Variants in MKLN1 observed in about 807,000 individuals in gnomAD.
MKLN1 encodes the protein muskelin 1.
MKLN1 carries 18 observed loss-of-function variants against 99.0 expected under a neutral mutation model. The observed-to-expected ratio is 0.18, with a 90% CI of 0.13 to 0.27. The LOEUF is 0.27. Ranked by LOEUF, MKLN1 falls within the 10% of genes least tolerant of loss-of-function variation. MKLN1 has a pLI of 1.00. For missense variants in MKLN1, 621 were observed against 875.9 expected, an observed-to-expected ratio of 0.71 and a Z score of 3.67; for synonymous variants, 288 against 293.2, an observed-to-expected ratio of 0.98 and a Z score of 0.18.
intron 3 of MKLN1, among the ~76,000 whole-genome samples, chr7:131,319,544 T>A (rs960061651): frequency 6.6e-6 from 1 of 152,220 alleles, no homozygotes; most frequent in African/African-American, 2.4e-5. Context: ...AAGACAAGGA[T>A]GCCCTCTCTC....
intron 2 of MKLN1, among the ~76,000 whole-genome samples, chr7:131,146,885 A>G (rs574809760): frequency 6.6e-6 from 1 of 152,210 alleles, no homozygotes; most frequent in Admixed American, 6.5e-5. Context: ...ATGTGCTGTC[A>G]GTGGGGGAGA....
chr7:131,415,934 A>C (rs932237716), intron 8 of MKLN1, among the ~76,000 whole-genome samples: 1 of 152,112 alleles, frequency 6.6e-6, no homozygotes, highest in Non-Finnish European at 1.5e-5. Flanking sequence ...ACTATAAGGA[A>C]AATATTATTA....
chr7:131,457,957 A>G (rs1360066986), intron 12 of MKLN1, among the ~76,000 whole-genome samples: 1 of 152,192 alleles, frequency 6.6e-6, no homozygotes, highest in African/African-American at 2.4e-5. Context: ...AATAATGGAG[A>G]TACATTTCTT....
chr7:131,358,444 T>A (rs1273594503), intron 1 of MKLN1, among the ~76,000 whole-genome samples: 2 of 152,200 alleles, frequency 1.3e-5, no homozygotes, highest in Admixed American at 1.3e-4. Context: ...TAATATTTTT[T>A]GAGATTATTT....
intron 3 of MKLN1, among the ~76,000 whole-genome samples, chr7:131,212,040 A>T (rs766678172): frequency 6.6e-6 from 1 of 152,162 alleles, no homozygotes; most frequent in Non-Finnish European, 1.5e-5. Flanking sequence ...CATTATTCCC[A>T]AGCAGGCCTC....
At position 131,244,919 on chromosome 7, in the gene MKLN1, G is replaced by A. The variant is rs1205373522; in HGVS notation, c.-179+41945G>A. Among the ~76,000 whole-genome samples the A allele has an allele frequency of 3.9e-5, 6 of 152,168 alleles. No homozygotes were observed. The South Asian group carries it at 1.0e-3, about 26-fold the overall frequency. ...AGGGAAAAGAGCGACACCCCTACAC[G>A]GCGGCACCCTTTCCTCCAGCCTTTG... On this transcript the variant is annotated intron_variant, in intron 3 of 7. Transcript: ENST00000416992.
At chr7:131,480,674 T>A (rs1391989579) in intron 17 of MKLN1, among the ~76,000 whole-genome samples, 1 of 152,208 alleles carries the variant, frequency 6.6e-6, no homozygotes, top group Non-Finnish European at 1.5e-5. Flanking sequence ...AAATCCCCAG[T>A]CTGTGAGCTG....
At chr7:131,163,968 AG>A (rs1313143554) in intron 2 of MKLN1, among the ~76,000 whole-genome samples, 5 of 152,180 alleles carry the variant, frequency 3.3e-5, no homozygotes. Context: ...CAAGTTGGGA[AG>A]GCAGGGGGAG....
intron 3 of MKLN1, among the ~76,000 whole-genome samples, chr7:131,282,998 A>T (rs1310069686): frequency 6.6e-6 from 1 of 152,216 alleles, no homozygotes; most frequent in East Asian, 1.9e-4. Context: ...CCAGCAGGTC[A>T]CACGGGCACC....
chr7:131,331,780 G>A (rs1799082891), intron 1 of MKLN1, among the ~76,000 whole-genome samples: 1 of 152,058 alleles, frequency 6.6e-6, no homozygotes, highest in Non-Finnish European at 1.5e-5. Flanking sequence ...AGCAAGAGAG[G>A]GAAAAATAGA....
chr7:131,147,992 G>A (rs919528331), intron 2 of MKLN1, among the ~76,000 whole-genome samples: 4 of 152,158 alleles, frequency 2.6e-5, no homozygotes, highest in Non-Finnish European at 5.9e-5. Context: ...TATGGCATAA[G>A]CTTTAGATTT....
intron 3 of MKLN1, among the ~76,000 whole-genome samples, chr7:131,294,455 G>T (rs554293083): frequency 1.2e-4 from 19 of 152,294 alleles, no homozygotes; most frequent in South Asian, 4.1e-4. Flanking sequence ...ATCTTTGTGG[G>T]TCTGAAAATT....
chr7:131,231,052 C>T (rs541270603), intron 3 of MKLN1, among the ~76,000 whole-genome samples: 15 of 125,754 alleles, frequency 1.2e-4, no homozygotes, highest in African/African-American at 3.8e-4. Context: ...CCTGGGAGGC[C>T]GAGGTTGCAG....
At chr7:131,244,512 T>C (rs1020596069) in intron 3 of MKLN1, among the ~76,000 whole-genome samples, 1 of 152,098 alleles carries the variant, frequency 6.6e-6, no homozygotes, top group Non-Finnish European at 1.5e-5. Context: ...AGAATGCCTC[T>C]CCATCCTCTG....
At chr7:131,303,883 G>A (rs1798414007) in intron 3 of MKLN1, among the ~76,000 whole-genome samples, 1 of 152,148 alleles carries the variant, frequency 6.6e-6, no homozygotes, top group Non-Finnish European at 1.5e-5. Context: ...ACAGCCCCAT[G>A]CCTTTAATTC....
At chr7:131,459,112 T>C (rs984264342) in intron 12 of MKLN1, among the ~76,000 whole-genome samples, 1 of 152,112 alleles carries the variant, frequency 6.6e-6, no homozygotes. Flanking sequence ...AGAAATATGA[T>C]TGGGTAAAAG....
chr7:131,410,189 G>A (rs1193670119), intron 6 of MKLN1, among the ~76,000 whole-genome samples: 1 of 152,086 alleles, frequency 6.6e-6, no homozygotes, highest in Non-Finnish European at 1.5e-5. Context: ...AGTAACTAGT[G>A]TAACAACTTA....
intron 3 of MKLN1, among the ~76,000 whole-genome samples, chr7:131,244,905 C>T (rs528841639): frequency 9.8e-4 from 149 of 152,234 alleles, no homozygotes; most frequent in Non-Finnish European, 1.5e-3. Context: ...GGGAAAAGAG[C>T]GACACCCCTA....
At chr7:131,323,654 ACT>A (rs1480548723), upstream of MKLN1, 1 of 152,064 alleles carries the variant, frequency 6.6e-6, no homozygotes, top group African/African-American at 2.4e-5. Context: ...GGTTTTGAAC[ACT>A]CTTATTATTG....
Sources: gnomAD v4.1 joint callset for allele counts (sites outside exome capture counted in the v4.1 genomes callset) on GRCh38, gnomAD v4.1.1 for gene constraint, MANE v1.5 for transcripts, NCBI Gene and HGNC (gene_info 2026-07-23, HGNC 2026-07-21) for gene names.